Variants in WDR86 observed in about 807,000 individuals in gnomAD.
WDR86 encodes WD repeat-containing protein 86.
In WDR86, 30 loss-of-function variants were observed where a neutral mutation model predicts 36.5. The ratio of observed to expected loss-of-function variants is 0.82; its 90% CI spans 0.61 to 1.11. The LOEUF is 1.11. Among genes scored for constraint, WDR86 ranks in the 50% most tolerant of loss-of-function variants. WDR86 has a pLI of 0.00. For synonymous variants in WDR86, 255 were observed against 252.9 expected (o/e 1.01, Z -0.08); for missense variants, 545 against 561.2 (o/e 0.97, Z 0.29).
upstream of WDR86, chr7:151,410,486 C>T (rs962340007): frequency 6.6e-6 from 1 of 152,406 alleles, no homozygotes; most frequent in African/African-American, 2.4e-5. Context: ...CGAGTCCGCC[C>T]TCCCTGGGAA....
At chr7:151,376,482 C>T, downstream of WDR86, 1 of 744,506 alleles carries the variant, frequency 1.3e-6, no homozygotes. Context: ...TCTACGCTCA[C>T]ATTGCACAGA....
rs202164309 is a variant in WDR86 at position 151,396,091 on chromosome 7, G to T, written c.411C>A (p.Arg137=). Residue 137 remains arginine, a synonymous_variant, in exon 3 of 6, where the codon CGC becomes CGA. Coordinates refer to ENST00000334493, the MANE Select transcript of WDR86 (RefSeq NM_198285.3). ...GQMSREFRGH[R]NCVLTLAYSA... ...AGTAGGCTAGGGTCAGCACGCAGTT[G>T]CGGTGGCCCCGGAACTCCCGGGACA... The T allele has an allele frequency of 2.0e-5, 33 of 1,612,824 alleles. No individual in the cohort carries two copies. In the East Asian group the frequency reaches 7.4e-4, roughly 36 times the overall value.
downstream of WDR86, chr7:151,377,104 T>G (rs1563034551): frequency 1.9e-6 from 3 of 1,583,710 alleles, no homozygotes; most frequent in Non-Finnish European, 2.6e-6. Context: ...AATGAGATAC[T>G]GGAAGACATT....
downstream of WDR86, chr7:151,377,175 G>T: frequency 6.3e-7 from 1 of 1,590,446 alleles, no homozygotes; most frequent in Non-Finnish European, 8.6e-7. Context: ...TATTATTGCA[G>T]AGTACCTATC....
chr7:151,376,494 G>A, downstream of WDR86: 1 of 813,604 alleles, frequency 1.2e-6, no homozygotes, highest in Non-Finnish European at 1.9e-6. Context: ...TTGCACAGAA[G>A]CATGACTTGT....
At position 151,401,903 on chromosome 7, in the gene WDR86, G is replaced by A. The variant is rs576246547; in HGVS notation, c.164-1662C>T. ...TCTCTACTAAAAATACAAAAAATTA[G>A]CCGGGCGTGGTGGTGGGCGCCTGTA... On this transcript the variant is annotated intron_variant, in intron 1 of 5. Transcript: ENST00000334493. This position sits in a 1 kb window ranked among gnomAD's most constrained non-coding sequence, Gnocchi z 4.3. Among the ~76,000 whole-genome samples the A allele has an allele frequency of 6.6e-6, 1 of 150,948 alleles. No individual in the cohort carries two copies. Among genetic ancestry groups the A allele is most frequent in the African/African-American group, 2.4e-5 (1 of 41,034 alleles).
rs961372034 is a variant in WDR86, at chr7:151,401,560, G to A, written c.164-1319C>T. On this transcript the variant is annotated intron_variant, in intron 1 of 5. Coordinates refer to ENST00000334493, the MANE Select transcript of WDR86 (RefSeq NM_198285.3). The surrounding 1 kb of genome is among the most constrained non-coding windows in gnomAD (Gnocchi z 4.3). ...ACTGAGGACAGAGGCAGCCGCAGAG[G>A]GAATGGCACATGTTCGCTATTTTCC... Among the ~76,000 whole-genome samples, 3 of 152,190 alleles carry A rather than the reference G, an allele frequency of 2.0e-5. No individual in the cohort carries two copies. Among genetic ancestry groups the A allele is most frequent in the Admixed American group, 2.0e-4 (3 of 15,278 alleles).
chr7:151,393,221 A>C (rs549210558), intron 3 of WDR86, among the ~76,000 whole-genome samples: 8 of 152,280 alleles, frequency 5.3e-5, no homozygotes, highest in Admixed American at 3.9e-4. Context: ...ACGTGTGTGC[A>C]TGTGTGCCTG....
chr7:151,375,957 C>T, exon 2 of WDR86: 1 of 1,563,844 alleles, frequency 6.4e-7, no homozygotes, highest in Non-Finnish European at 8.8e-7. Flanking sequence ...AGTGACAGGC[C>T]TTTGTGCCCT....
chr7:151,383,403 A>G (rs1304037390), intron 4 of WDR86, among the ~76,000 whole-genome samples: 1 of 150,756 alleles, frequency 6.6e-6, no homozygotes, highest in Non-Finnish European at 1.5e-5. Context: ...GAATCTGGGA[A>G]GTGGAGGTGG....
At chr7:151,371,899 G>T (rs932226519), downstream of WDR86, among the ~76,000 whole-genome samples, 1 of 152,102 alleles carries the variant, frequency 6.6e-6, no homozygotes, top group African/African-American at 2.4e-5. Flanking sequence ...TAGAAATGGG[G>T]TCTCACCATG....
chr7:151,379,914 C>T (rs1798471963), downstream of WDR86, among the ~76,000 whole-genome samples: 1 of 152,216 alleles, frequency 6.6e-6, no homozygotes, highest in Non-Finnish European at 1.5e-5. Context: ...GCCGGCAGCA[C>T]TGCCCGCAGG....
chr7:151,402,070 A>AAAAAAAAAAAAAAAATATATATATATAT, intron 1 of WDR86, among the ~76,000 whole-genome samples: 2 of 50,526 alleles, frequency 4.0e-5, no homozygotes, highest in Non-Finnish European at 6.7e-5. Flanking sequence ...AAAAAAAAAA[A>AAAAAAAAAAAAAAAATATATATATATAT]ATATATATAT....
chr7:151,385,380 C>CT (rs1245081793), intron 3 of WDR86, 157 bp from the exon 4 acceptor site: 8 of 1,320,570 alleles, frequency 6.1e-6, no homozygotes, highest in Non-Finnish European at 2.0e-6. Context: ...AGACTGCCCA[C>CT]TTCAGCACCC....
chr7:151,383,861 G>A (rs1026583173), intron 4 of WDR86, among the ~76,000 whole-genome samples: 3 of 152,324 alleles, frequency 2.0e-5, no homozygotes, highest in East Asian at 3.9e-4. Flanking sequence ...TGAGCTGCAG[G>A]CTTCGCTTTC....
In WDR86 at chr7:151,396,207, G is replaced by C; in HGVS notation, c.306-11C>G. 1 of 1,612,838 alleles carries C rather than the reference G, an allele frequency of 6.2e-7. No homozygotes were observed. The highest frequency in any genetic ancestry group is 8.5e-7 in the Non-Finnish European group (1 of 1,179,852). ...TTGGCAACCAGGATCCTGGGGGCAA[G>C]AGGGAAGGGGTCAGGGATCAGAAGG... On this transcript the variant is annotated splice_polypyrimidine_tract_variant and intron_variant, in intron 2 of 5. Transcript: ENST00000334493.
intron 3 of WDR86, among the ~76,000 whole-genome samples, chr7:151,392,929 C>T (rs1799538151): frequency 6.6e-6 from 1 of 152,200 alleles, no homozygotes; most frequent in South Asian, 2.1e-4. Flanking sequence ...TGGCTCCCTG[C>T]ACCCCACCCC....
At chr7:151,394,946 T>G (rs1159225440) in intron 3 of WDR86, among the ~76,000 whole-genome samples, 2 of 152,158 alleles carry the variant, frequency 1.3e-5, no homozygotes, top group African/African-American at 4.8e-5. Context: ...AAGAAAAAAC[T>G]TCTCAATTTT....
At chr7:151,399,906 C>A (rs1563061936) in intron 2 of WDR86, among the ~76,000 whole-genome samples, 194 bp downstream of exon 2, 2 of 152,260 alleles carry the variant, frequency 1.3e-5, no homozygotes, top group Admixed American at 1.3e-4. Context: ...CCACATGCAG[C>A]CGCAGGCACT....
Sources: allele counts gnomAD v4.1 joint callset (sites outside exome capture counted in the v4.1 genomes callset), GRCh38; gene constraint gnomAD v4.1.1; non-coding constraint Gnocchi (gnomAD v3.1); transcripts MANE v1.5; gene names NCBI Gene and HGNC (gene_info 2026-07-23, HGNC 2026-07-21).